Variants in CNKSR2 observed in about 807,000 individuals in gnomAD.
The protein encoded by CNKSR2 is CNK homolog protein 2.
A neutral mutation model predicts 84.4 loss-of-function variants in CNKSR2; 14 were observed. The ratio of observed to expected loss-of-function variants is 0.17; its 90% confidence interval spans 0.11 to 0.26. The LOEUF is 0.26. Ranked by LOEUF, CNKSR2 falls within the 10% of genes least tolerant of loss-of-function variation. The pLI is 1.00. For missense variants in CNKSR2, 485 were observed against 771.2 expected (o/e 0.63, Z 4.40); for synonymous variants, 275 against 277.9 (o/e 0.99, Z 0.10).
In CNKSR2 at chrX:21,601,368, A is replaced by G; in HGVS notation, c.2044+19A>G. 2 of 1,006,108 alleles carry G rather than the reference A, an allele frequency of 2.0e-6. No homozygotes were observed. Among genetic ancestry groups the G allele is most frequent in the Non-Finnish European group, 2.8e-6 (2 of 722,143 alleles). 82.9% of individuals were successfully genotyped at this position (1,006,108 alleles called of 1,213,427 possible). ...GAACAAGGTAAAGGAATACTTTTTT[A>G]AAATAATTATGTTATACTTTTTTTC... On this transcript the variant is annotated intron_variant, in intron 18 of 21. Coordinates refer to ENST00000379510, the MANE Select transcript of CNKSR2 (RefSeq NM_014927.5).
intron 18 of CNKSR2, chrX:21,606,577 A>G (rs2092518314): frequency 3.1e-6 from 1 of 323,126 alleles, no homozygotes; most frequent in Admixed American, 5.8e-5. Flanking sequence ...AGGATGTTAG[A>G]ATTAGGTGAT....
chrX:21,650,246 T>C (rs961122709), intron 21 of CNKSR2, among the ~76,000 whole-genome samples: 4 of 110,642 alleles, frequency 3.6e-5, no homozygotes, highest in Non-Finnish European at 5.7e-5. Flanking sequence ...TATGCAGCCA[T>C]AAAAAAGGAT....
At chrX:21,382,909 T>C (rs1255910700) in intron 1 of CNKSR2, among the ~76,000 whole-genome samples, 1 of 112,225 alleles carries the variant, frequency 8.9e-6, no homozygotes, top group Non-Finnish European at 1.9e-5. Context: ...ACAGAATTAT[T>C]GCAAAGCATA....
chrX:21,427,054 C>T (rs2090575035), intron 2 of CNKSR2: 1 of 134,523 alleles, frequency 7.4e-6, no homozygotes, highest in Non-Finnish European at 1.4e-5. Context: ...GAACAAGGCT[C>T]TGCCGACCTA....
At chrX:21,377,364 AGTT>A (rs2089833792) in intron 1 of CNKSR2, among the ~76,000 whole-genome samples, 2 of 112,348 alleles carry the variant, frequency 1.8e-5, no homozygotes, top group African/African-American at 6.5e-5. Flanking sequence ...CCCCAAATAA[AGTT>A]AAACAAAGGA....
At chrX:21,480,168 A>C (rs1480464495) in intron 5 of CNKSR2, among the ~76,000 whole-genome samples, 3 of 111,449 alleles carry the variant, frequency 2.7e-5, no homozygotes, top group Non-Finnish European at 3.8e-5. Context: ...CTGAAGGATG[A>C]ATTGAGCTGA....
chrX:21,482,180 C>A (rs767863728), intron 5 of CNKSR2, among the ~76,000 whole-genome samples: 1 of 112,294 alleles, frequency 8.9e-6, no homozygotes, highest in East Asian at 2.8e-4. Flanking sequence ...TAGTAGCCAG[C>A]AGAGAATAAA....
At chrX:21,489,951 T>G (rs1193537685) in intron 5 of CNKSR2, among the ~76,000 whole-genome samples, 1 of 111,727 alleles carries the variant, frequency 9.0e-6, no homozygotes, top group East Asian at 2.8e-4. Context: ...AGACTTTGCC[T>G]GGAGGAGGTG....
chrX:21,391,958 C>T (rs1202628274), intron 1 of CNKSR2, among the ~76,000 whole-genome samples: 1 of 112,014 alleles, frequency 8.9e-6, no homozygotes, highest in Non-Finnish European at 1.9e-5. Flanking sequence ...TACCCTAAAT[C>T]ATCACTCTGA....
intron 8 of CNKSR2, chrX:21,506,641 C>A (rs948974360): frequency 9.0e-6 from 1 of 111,392 alleles, no homozygotes; most frequent in Non-Finnish European, 1.9e-5. Flanking sequence ...TGTATGATAT[C>A]TCAATAATAG....
At chrX:21,415,863 CACACACACAT>C (rs1171770861) in intron 1 of CNKSR2, among the ~76,000 whole-genome samples, 72 of 102,723 alleles carry the variant, frequency 7.0e-4, no homozygotes, top group East Asian at 2.4e-3. Flanking sequence ...CACACACACA[CACACACACAT>C]ATATATATAT....
rs765992045 is a variant in CNKSR2, at chrX:21,628,009, G to A, written c.2692+18392G>A. Among the ~76,000 whole-genome samples, 3 of 111,647 alleles carry A rather than the reference G, an allele frequency of 2.7e-5. No individual in the cohort carries two copies. The Admixed American group carries it at 2.8e-4, about 11-fold the overall frequency. ...TATGAGCCTGTAAAATCAAAAGCAAGTTAGTTACCTCCTAGATACACTGGG... is the reference window on the plus strand; with the variant it reads ...TATGAGCCTGTAAAATCAAAAGCAAATTAGTTACCTCCTAGATACACTGGG... On this transcript the variant is annotated intron_variant, in intron 20 of 21. Coordinates refer to ENST00000379510, the MANE Select transcript of CNKSR2 (RefSeq NM_014927.5).
intron 20 of CNKSR2, among the ~76,000 whole-genome samples, chrX:21,629,383 G>C (rs1275312217): frequency 8.9e-6 from 1 of 111,965 alleles, no homozygotes; most frequent in Admixed American, 9.5e-5. Context: ...GCCCCACTCT[G>C]TTGGTACCAG....
At chrX:21,617,066 A>G (rs995419166) in intron 20 of CNKSR2, among the ~76,000 whole-genome samples, 3 of 111,330 alleles carry the variant, frequency 2.7e-5, no homozygotes, top group Admixed American at 9.6e-5. Context: ...AACAATGTCA[A>G]CCCCTCACTA....
chrX:21,389,474 A>C (rs2090018074), intron 1 of CNKSR2, among the ~76,000 whole-genome samples: 1 of 111,710 alleles, frequency 9.0e-6, no homozygotes, highest in Non-Finnish European at 1.9e-5. Context: ...AAAGTTGTTC[A>C]AATAAAAAAG....
intron 5 of CNKSR2, among the ~76,000 whole-genome samples, chrX:21,473,125 G>A (rs1306182745): frequency 9.0e-6 from 1 of 111,484 alleles, no homozygotes; most frequent in Non-Finnish European, 1.9e-5. Context: ...TACTGAAGGA[G>A]TTTAGAAATG....
Position 21,470,754 on chromosome X carries a change from C to CT in CNKSR2, c.520-4dup, listed in dbSNP as rs759750273. 1.7e-4 allele frequency: 159 copies of CT among 929,377 alleles called. No homozygotes were observed. Among genetic ancestry groups the CT allele is most frequent in the Middle Eastern group, 6.5e-4 (2 of 3,070 alleles). The allele number at this position is 929,377 out of a possible 1,213,427, so 76.6% of individuals were successfully genotyped here. A position where few individuals can be genotyped will look rare whatever the true frequency, so the allele number is the denominator to read the frequency against. The stretch of plus-strand genomic sequence containing the variant: ...TATTTTGAATCTAATGTATATGGTT[C>CT]TTTTTTTTCAGGATTGTACTGTATA... On this transcript the variant is annotated splice_polypyrimidine_tract_variant and intron_variant, in intron 4 of 21. Transcript: ENST00000379510.
At chrX:21,423,712 C>T (rs1290928438) in intron 1 of CNKSR2, 1 of 111,355 alleles carries the variant, frequency 9.0e-6, no homozygotes, top group African/African-American at 3.3e-5. Context: ...CAATGTTTCC[C>T]CTTTCATTCA....
chrX:21,567,054 C>T (rs1412952488), intron 13 of CNKSR2, among the ~76,000 whole-genome samples: 3 of 111,476 alleles, frequency 2.7e-5, no homozygotes, highest in Non-Finnish European at 3.8e-5. Context: ...ATGCTATTCC[C>T]GCTGCTGAGA....
Sources: allele counts gnomAD v4.1 joint callset (sites outside exome capture counted in the v4.1 genomes callset), GRCh38; gene constraint gnomAD v4.1.1; transcripts MANE v1.5; gene names NCBI Gene and HGNC (gene_info 2026-07-23, HGNC 2026-07-21).